VWC2L: variants seen among roughly 807,000 people sequenced by gnomAD.
The protein encoded by VWC2L is von Willebrand factor C domain containing 2 like.
Under a neutral mutation model 21.6 loss-of-function variants are expected in VWC2L, and 10 were observed. The observed-to-expected ratio is 0.46, with a 90% CI of 0.29 to 0.78. VWC2L has a LOEUF of 0.78. Ranked by LOEUF, VWC2L falls within the 30% of genes least tolerant of loss-of-function variation. VWC2L has a pLI of 0.10. For missense variants in VWC2L, 209 were observed against 277.1 expected, an observed-to-expected ratio of 0.75 and a Z score of 1.74; for synonymous variants, 96 against 94.3, an observed-to-expected ratio of 1.02 and a Z score of -0.10.
chr2:214,502,984 A>G (rs1022256134), intron 3 of VWC2L, among the ~76,000 whole-genome samples: 10 of 152,216 alleles, frequency 6.6e-5, no homozygotes, highest in Non-Finnish European at 1.5e-4. Flanking sequence ...TCACCTAAAT[A>G]AGACGGGAAT....
At chr2:214,545,735 G>T (rs1171469293) in intron 3 of VWC2L, among the ~76,000 whole-genome samples, 1 of 152,018 alleles carries the variant, frequency 6.6e-6, no homozygotes, top group Non-Finnish European at 1.5e-5. Flanking sequence ...GGGACTTATT[G>T]GGGAAATCAA....
At chr2:214,498,050 C>G (rs895494910) in intron 3 of VWC2L, among the ~76,000 whole-genome samples, 13 of 152,098 alleles carry the variant, frequency 8.5e-5, no homozygotes, top group Non-Finnish European at 1.9e-4. Flanking sequence ...AGAGGCTCCA[C>G]CCGCTTCAAC....
chr2:214,445,255 G>A (rs1248356289), intron 3 of VWC2L, among the ~76,000 whole-genome samples: 1 of 151,694 alleles, frequency 6.6e-6, no homozygotes, highest in Non-Finnish European at 1.5e-5. Flanking sequence ...CAAAAATAAT[G>A]AGAGAAGAAT....
chr2:214,423,684 G>A (rs1412333588), intron 2 of VWC2L, among the ~76,000 whole-genome samples: 1 of 152,038 alleles, frequency 6.6e-6, no homozygotes, highest in Admixed American at 6.5e-5. Flanking sequence ...TGTCAAACTA[G>A]CCTAAGTTTC....
chr2:214,523,928 T>C (rs975072172), intron 3 of VWC2L, among the ~76,000 whole-genome samples: 2 of 152,218 alleles, frequency 1.3e-5, no homozygotes, highest in African/African-American at 4.8e-5. Context: ...AATGCTTAAA[T>C]TTACTGTTAA....
At chr2:214,508,354 G>C (rs1428040089) in intron 3 of VWC2L, among the ~76,000 whole-genome samples, 3 of 152,106 alleles carry the variant, frequency 2.0e-5, no homozygotes, top group Admixed American at 2.0e-4. Context: ...TTCGCCATTT[G>C]GTAAGATGAA....
rs568299836 is a variant in VWC2L at position 214,442,722 on chromosome 2, A to G, written c.520+5964A>G. Among the ~76,000 whole-genome samples, 394 of 152,150 alleles carry G rather than the reference A, an allele frequency of 2.6e-3. 2 individuals carry two copies. The Middle Eastern group carries it at 0.031, about 12-fold the overall frequency. The stretch of plus-strand genomic sequence containing the variant: ...TAATTTTATTGAAATTTTTCTAGAG[A>G]AAAGGCAAGAAAAAAGCTTTCTTTT... On this transcript the variant is annotated intron_variant, in intron 3 of 3. Coordinates refer to ENST00000312504, the MANE Select transcript of VWC2L (RefSeq NM_001080500.4).
intron 2 of VWC2L, chr2:214,415,334 T>A (rs1173436482): frequency 6.6e-6 from 1 of 152,266 alleles, no homozygotes; most frequent in Non-Finnish European, 1.5e-5. Flanking sequence ...AATTGGGATA[T>A]CCTACAAGCC....
chr2:214,566,426 ACT>A (rs1244953887), intron 3 of VWC2L, among the ~76,000 whole-genome samples: 1 of 152,146 alleles, frequency 6.6e-6, no homozygotes, highest in Non-Finnish European at 1.5e-5. Flanking sequence ...AATCTTACAT[ACT>A]TAAGGGCCAG....
intron 3 of VWC2L, among the ~76,000 whole-genome samples, chr2:214,454,234 T>C (rs1248945352): frequency 6.6e-6 from 1 of 152,162 alleles, no homozygotes; most frequent in Admixed American, 6.5e-5. Context: ...ATAAAGACAG[T>C]TCTATTACTT....
At chr2:214,526,095 A>G (rs1266770610) in intron 3 of VWC2L, among the ~76,000 whole-genome samples, 1 of 150,142 alleles carries the variant, frequency 6.7e-6, no homozygotes, top group Admixed American at 6.7e-5. Flanking sequence ...ATATATTTTT[A>G]TATATTCATC....
At chr2:214,436,291 G>A (rs539297387) in intron 2 of VWC2L, 39 of 185,774 alleles carry the variant, frequency 2.1e-4, no homozygotes, top group Non-Finnish European at 3.8e-4. Flanking sequence ...GCCTGTTTAC[G>A]AGAGGAGGTC....
At chr2:214,465,873 T>C (rs78292911) in intron 3 of VWC2L, among the ~76,000 whole-genome samples, 284 of 152,320 alleles carry the variant, frequency 1.9e-3, no homozygotes, top group African/African-American at 6.6e-3. Flanking sequence ...ATTCCTCATC[T>C]GAATTCTTCC....
chr2:214,420,815 A>AT (rs1702427075), intron 2 of VWC2L, among the ~76,000 whole-genome samples: 1 of 152,208 alleles, frequency 6.6e-6, no homozygotes, highest in Non-Finnish European at 1.5e-5. Flanking sequence ...TTCCATAATT[A>AT]TTGGCTCTGC....
intron 3 of VWC2L, among the ~76,000 whole-genome samples, chr2:214,440,943 A>G (rs1702756193): frequency 6.6e-6 from 1 of 152,166 alleles, no homozygotes; most frequent in South Asian, 2.1e-4. Context: ...TCATTATTCA[A>G]GGCTCAGAAG....
At chr2:214,524,866 G>A (rs559151482) in intron 3 of VWC2L, among the ~76,000 whole-genome samples, 1 of 151,402 alleles carries the variant, frequency 6.6e-6, no homozygotes, top group Non-Finnish European at 1.5e-5. Context: ...AAGTTTAGAG[G>A]AACACACAAT....
rs896040819 is a variant in VWC2L, at chr2:214,576,488, T to G, written c.*668T>G. The G allele has an allele frequency of 6.6e-6, 1 of 152,142 alleles. No homozygotes were observed. Among genetic ancestry groups the G allele is most frequent in the South Asian group, 2.1e-4 (1 of 4,818 alleles). The allele number at this position is 152,142 out of a possible 1,614,324, so 9.4% of individuals were successfully genotyped here. On this transcript the variant is annotated 3_prime_UTR_variant, in exon 4 of 4. Transcript: ENST00000312504. ...TACGTGGGGGCTCACAATTTAATTC[T>G]TACAAACCACACATTTCATATGGAA...
At chr2:214,524,801 G>A (rs1689302081) in intron 3 of VWC2L, among the ~76,000 whole-genome samples, 1 of 152,086 alleles carries the variant, frequency 6.6e-6, no homozygotes, top group Admixed American at 6.5e-5. Context: ...AAAAGAATCA[G>A]ATCATTTGAC....
intron 3 of VWC2L, among the ~76,000 whole-genome samples, chr2:214,559,999 T>C (rs941833562): frequency 1.3e-5 from 2 of 152,200 alleles, no homozygotes. Flanking sequence ...GGCTGGTACA[T>C]GGGGAGTAGT....
Sources: allele counts gnomAD v4.1 joint callset (sites outside exome capture counted in the v4.1 genomes callset), GRCh38; gene constraint gnomAD v4.1.1; transcripts MANE v1.5; gene names NCBI Gene and HGNC (gene_info 2026-07-23, HGNC 2026-07-21).